CRNN: variants seen among roughly 807,000 people sequenced by gnomAD.
CRNN encodes the protein 53 kDa putative calcium-binding protein.
Under a neutral mutation model 44.7 loss-of-function variants are expected in CRNN, and 39 were observed. The observed-to-expected ratio is 0.87, with a 90% confidence interval of 0.68 to 1.14. The LOEUF is 1.14. Among genes scored for constraint, CRNN ranks in the 50% most tolerant of loss-of-function variants. The pLI is 0.00. For missense variants in CRNN, 606 were observed against 605.1 expected, an observed-to-expected ratio of 1.00 and a Z score of -0.02; for synonymous variants, 240 against 231.8, an observed-to-expected ratio of 1.04 and a Z score of -0.32.
intron 1 of CRNN, among the ~76,000 whole-genome samples, chr1:152,412,915 A>C (rs988268496): frequency 6.6e-6 from 1 of 152,214 alleles, no homozygotes; most frequent in Non-Finnish European, 1.5e-5. Context: ...CGGGAACACC[A>C]AAAGGAAGTA....
rs754448226 is a variant in CRNN at position 152,412,184 on chromosome 1, C to T, written c.50G>A (p.Arg17His). The T allele has an allele frequency of 3.1e-6, 5 of 1,613,494 alleles. No individual in the cohort carries two copies. The highest frequency in any genetic ancestry group is 2.2e-5 in the East Asian group (1 of 44,860). The change falls in exon 2 of 3, where the codon CGC becomes CAC. Residue 17 changes from arginine to histidine, a missense_variant. Coordinates refer to ENST00000271835, the MANE Select transcript of CRNN (RefSeq NM_016190.3). ...NINGIIEAFR[R>H]YARTEGNCTA... ...GCAGTTGCCCTCCGTCCTTGCATAG[C>T]GCCTGAAGGCCTCGATGATCCCATT... is the stretch of plus-strand genomic sequence containing the variant.
chr1:152,409,641 T>C lies in CRNN; in HGVS notation c.1441A>G (p.Ile481Val), dbSNP rs1355861048. The change falls in exon 3 of 3, where the codon ATC becomes GTC. Residue 481 changes from isoleucine (I) to valine (V), a missense_variant. Coordinates refer to ENST00000271835, the MANE Select transcript of CRNN (RefSeq NM_016190.3). ...DAAQSEEKRG[I>V]TARELYSYLR... ...TAGGAATACAGCTCTCTAGCTGTGA[T>C]GCCTCGCTTCTCTTCTGACTGGGCT... The C allele has an allele frequency of 3.1e-6, 5 of 1,613,968 alleles. No homozygotes were observed. Among genetic ancestry groups the C allele is most frequent in the African/African-American group, 2.7e-5 (2 of 74,926 alleles).
At position 152,409,512 on chromosome 1, in the gene CRNN, C is replaced by A; in HGVS notation, c.*82G>T. 1 of 1,530,114 alleles carries A rather than the reference C, an allele frequency of 6.5e-7. No individual in the cohort carries two copies. Among genetic ancestry groups the A allele is most frequent in the Non-Finnish European group, 8.8e-7 (1 of 1,141,028 alleles). The allele number at this position is 1,530,114 out of a possible 1,614,324, so 94.8% of individuals were successfully genotyped here. ...AATGAAGAGCTGATGTCCAGGGATGCACCCACTGGATTGGCCATGCAGGAC... is the reference window on the plus strand; with the variant it reads ...AATGAAGAGCTGATGTCCAGGGATGAACCCACTGGATTGGCCATGCAGGAC... On this transcript the variant is annotated 3_prime_UTR_variant, in exon 3 of 3. Transcript: ENST00000271835.
chr1:152,410,081 C>T lies in CRNN; in HGVS notation c.1001G>A (p.Gly334Asp), dbSNP rs761133098. 6.2e-7 allele frequency: 1 copy of T among 1,613,856 alleles called. No homozygotes were observed. The highest frequency in any genetic ancestry group is 1.3e-5 in the African/African-American group (1 of 74,836). The change falls in exon 3 of 3, where the codon GGC (glycine) becomes GAC (aspartate). Residue 334 changes from glycine to aspartate, a missense_variant. Gly to Asp is a moderately conservative substitution (Grantham distance 94). Transcript: ENST00000271835. ...CACAGCCTGGCTGGTCTGGCTCCTG[C>T]CTTGACCGTGGATCTCAGTCCCTCT... ...QNRGTEIHGQ[G>D]RSQTSQAVTG...
chr1:152,412,784 A>G (rs1395443167), intron 1 of CRNN, among the ~76,000 whole-genome samples: 1 of 152,122 alleles, frequency 6.6e-6, no homozygotes, highest in African/African-American at 2.4e-5. Flanking sequence ...AGGCCACACA[A>G]TTTTTAAGGA....
In CRNN at chr1:152,410,167, G is replaced by C. The variant is rs1427168681; in HGVS notation, c.915C>G (p.Asp305Glu). The change falls in exon 3 of 3, where the codon GAC becomes GAG. Residue 305 changes from aspartate (D) to glutamate (E), a missense_variant. Transcript: ENST00000271835. ...TQTPTQTVEQ[D>E]SSHQTGSTST... ...TGGTGCTTCCTGTCTGGTGGCTGCTGTCCTGCTCCACGGTCTGGGTGGGTG... is the reference window on the plus strand; with the variant it reads ...TGGTGCTTCCTGTCTGGTGGCTGCTCTCCTGCTCCACGGTCTGGGTGGGTG... The C allele has an allele frequency of 1.2e-6, 2 of 1,612,692 alleles. No homozygotes were observed. Among genetic ancestry groups the C allele is most frequent in the Admixed American group, 3.3e-5 (2 of 59,884 alleles).
Position 152,412,281 on chromosome 1 carries a change from T to A in CRNN, c.-13-35A>T, listed in dbSNP as rs199896423. On this transcript the variant is annotated intron_variant, in intron 1 of 2. Coordinates refer to ENST00000271835, the MANE Select transcript of CRNN (RefSeq NM_016190.3). Reference sequence around the variant, plus strand: ...ATGAAAAGTTCCCTTGGAGGCTCCATAATCAACCTCAGCTATTTCCTTTAT... The same window carrying A: ...ATGAAAAGTTCCCTTGGAGGCTCCAAAATCAACCTCAGCTATTTCCTTTAT... 3 of 1,582,960 alleles carry A rather than the reference T, an allele frequency of 1.9e-6. No individual in the cohort carries two copies. In the African/African-American group the frequency reaches 4.0e-5, roughly 21 times the overall value.
chr1:152,412,128 GTCTTTTC>G lies in CRNN; in HGVS notation c.99_105del (p.Lys34SerfsTer9), dbSNP rs1655786691. 11 of 1,611,970 alleles carry G rather than the reference GTCTTTTC, an allele frequency of 6.8e-6. No individual in the cohort carries two copies. Among genetic ancestry groups the G allele is most frequent in the Admixed American group, 1.7e-5 (1 of 59,956 alleles). Reference sequence around the variant, plus strand: ...ACATCGGCAAACTCTTGCTCCAAGAGTCTTTTCAGCTCCCCTCGGGTGAGCGCTGTGC... The same window carrying G: ...ACATCGGCAAACTCTTGCTCCAAGAGAGCTCCCCTCGGGTGAGCGCTGTGC... On this transcript the variant is annotated frameshift_variant, in exon 2 of 3. Coordinates refer to ENST00000271835, the MANE Select transcript of CRNN (RefSeq NM_016190.3). LOFTEE classifies it low-confidence loss of function (END_TRUNC).
Position 152,409,708 on chromosome 1 carries a change from G to A in CRNN, c.1374C>T (p.Gly458=). Reference sequence around the variant, plus strand: ...CTGAGGAAACACTGGTATGCAAGTTGCCCTGGTCCAGCCTGAGGATCACTG... The same window carrying A: ...CTGAGGAAACACTGGTATGCAAGTTACCCTGGTCCAGCCTGAGGATCACTG... ...RETVILRLDQ[G]NLHTSVSSAQ... The change falls in exon 3 of 3, where the codon GGC becomes GGT. Residue 458 remains glycine, a synonymous_variant. Transcript: ENST00000271835. 1 of 1,614,164 alleles carries A rather than the reference G, an allele frequency of 6.2e-7. No homozygotes were observed. The highest frequency in any genetic ancestry group is 2.2e-5 in the East Asian group (1 of 44,878).
chr1:152,411,100 A>T (rs541313991), intron 2 of CRNN, among the ~76,000 whole-genome samples, 157 bp from the exon 3 acceptor site: 9 of 152,076 alleles, frequency 5.9e-5, no homozygotes, highest in African/African-American at 1.7e-4. Context: ...ATTTTTTTTT[A>T]GTCCCGTCTC....
intron 2 of CRNN, 92 bp downstream of exon 2, chr1:152,412,004 C>A: frequency 7.7e-7 from 1 of 1,297,778 alleles, no homozygotes; most frequent in South Asian, 1.7e-5. Flanking sequence ...TTAGCTGCTG[C>A]CTCCTCAAAT....
chr1:152,410,620 G>A lies in CRNN; in HGVS notation c.462C>T (p.Thr154=). 6.2e-7 allele frequency: 1 copy of A among 1,614,078 alleles called. No homozygotes were observed. Among genetic ancestry groups the A allele is most frequent in the Non-Finnish European group, 8.5e-7 (1 of 1,180,006 alleles). The part of the protein sequence containing the change: ...SRGQNRPGVQ[T]QGQATGSAWV... ...ACGCAGAGCCAGTGGCCTGACCCTGGGTCTGAACCCCAGGCCTGTTCTGCC... is the reference window on the plus strand; with the variant it reads ...ACGCAGAGCCAGTGGCCTGACCCTGAGTCTGAACCCCAGGCCTGTTCTGCC... Residue 154 remains threonine (T), a synonymous_variant, in exon 3 of 3, where the codon ACC becomes ACT. Transcript: ENST00000271835.
At position 152,412,138 on chromosome 1, in the gene CRNN, C is replaced by T. The variant is rs1370680692; in HGVS notation, c.96G>A (p.Glu32=). The T allele has an allele frequency of 6.2e-7, 1 of 1,612,320 alleles. No homozygotes were observed. The highest frequency in any genetic ancestry group is 8.5e-7 in the Non-Finnish European group (1 of 1,178,620). ...ACTCTTGCTCCAAGAGTCTTTTCAGCTCCCCTCGGGTGAGCGCTGTGCAGT... is the reference window on the plus strand; with the variant it reads ...ACTCTTGCTCCAAGAGTCTTTTCAGTTCCCCTCGGGTGAGCGCTGTGCAGT... ...EGNCTALTRG[E]LKRLLEQEFA... Residue 32 remains glutamate, a synonymous_variant, in exon 2 of 3, where the codon GAG becomes GAA. Transcript: ENST00000271835.
rs758211564 is a variant in CRNN, at chr1:152,410,973, C to T, written c.139-30G>A. The T allele has an allele frequency of 1.9e-6, 3 of 1,570,100 alleles. No individual in the cohort carries two copies. In the East Asian group the frequency reaches 6.7e-5, roughly 35 times the overall value. ...GGAGAAGATGAGGTGGAGTCAGCAT[C>T]CCTCCCCTGAGGAGGACATGGGCAG... On this transcript the variant is annotated intron_variant, in intron 2 of 2. Coordinates refer to ENST00000271835, the MANE Select transcript of CRNN (RefSeq NM_016190.3).
chr1:152,409,901 T>A lies in CRNN; in HGVS notation c.1181A>T (p.Glu394Val), dbSNP rs1167376256. 1 of 1,614,210 alleles carries A rather than the reference T, an allele frequency of 6.2e-7. No homozygotes were observed. The highest frequency in any genetic ancestry group is 1.1e-5 in the South Asian group (1 of 91,086). The part of the protein sequence containing the change: ...GQRWMQVSNP[E>V]AGETVPGGQA... ...TCCTCCCGGTACTGTCTCTCCTGCCTCAGGGTTGCTCACTTGCATCCATCT... is the reference window on the plus strand; with the variant it reads ...TCCTCCCGGTACTGTCTCTCCTGCCACAGGGTTGCTCACTTGCATCCATCT... The change falls in exon 3 of 3, where the codon GAG becomes GTG. Residue 394 changes from glutamate (E) to valine (V), a missense_variant. Physicochemically the swap from Glu to Val is moderately radical, Grantham distance 121. Transcript: ENST00000271835.
At chr1:152,411,960 T>C in intron 2 of CRNN, 136 bp downstream of exon 2, 2 of 916,310 alleles carry the variant, frequency 2.2e-6, no homozygotes, top group Non-Finnish European at 3.2e-6. Flanking sequence ...TTTTTCTGCC[T>C]GCACAGCTGC....
Position 152,410,603 on chromosome 1 carries a change from C to G in CRNN, c.479G>C (p.Gly160Ala). The G allele has an allele frequency of 6.2e-7, 1 of 1,614,132 alleles. No homozygotes were observed. Among genetic ancestry groups the G allele is most frequent in the Non-Finnish European group, 8.5e-7 (1 of 1,180,018 alleles). ...PGVQTQGQAT[G>A]SAWVSSYDRQ... ...GTCATAGCTGCTGACCCACGCAGAG[C>G]CAGTGGCCTGACCCTGGGTCTGAAC... The change falls in exon 3 of 3, where the codon GGC becomes GCC. Residue 160 changes from glycine (G) to alanine (A), a missense_variant. Coordinates refer to ENST00000271835, the MANE Select transcript of CRNN (RefSeq NM_016190.3).
chr1:152,410,987 G>A (rs370704244), intron 2 of CRNN, 44 bp from the exon 3 acceptor site: 1 of 1,552,754 alleles, frequency 6.4e-7, no homozygotes. Flanking sequence ...CCCCTGAGGA[G>A]GACATGGGCA....
rs772568066 is a variant in CRNN, at chr1:152,409,981, G to T, written c.1101C>A (p.Ser367Arg). 6 of 1,613,650 alleles carry T rather than the reference G, an allele frequency of 3.7e-6. No individual in the cohort carries two copies. In the African/African-American group the frequency reaches 6.7e-5, roughly 18 times the overall value. Residue 367 changes from serine (S) to arginine (R), a missense_variant, in exon 3 of 3, where the codon AGC (serine) becomes AGA (arginine). By Grantham distance (110) the Ser-to-Arg change is moderately radical (BLOSUM62 -1). Coordinates refer to ENST00000271835, the MANE Select transcript of CRNN (RefSeq NM_016190.3). ...GTCCCTGTTCTCTAGCCCCTCCGTG[G>T]CTTACAGTTTGGCTTCTGTCCTGCT... ...TVEQDRSQTVSHGGAREQGQT... is the reference protein window; with the variant it reads ...TVEQDRSQTVRHGGAREQGQT...
Sources: allele counts gnomAD v4.1 joint callset (sites outside exome capture counted in the v4.1 genomes callset), GRCh38; gene constraint gnomAD v4.1.1; transcripts MANE v1.5; gene names NCBI Gene and HGNC (gene_info 2026-07-23, HGNC 2026-07-21).